ALDH4A1: variants seen among roughly 807,000 people sequenced by gnomAD.
The protein encoded by ALDH4A1 is aldehyde dehydrogenase 4 family member A1, also known as delta-1-pyrroline-5-carboxylate dehydrogenase, mitochondrial.
A neutral mutation model predicts 70.5 loss-of-function variants in ALDH4A1; 46 were observed. That is an observed-to-expected ratio of 0.65 (90% CI 0.51 to 0.83). The LOEUF is 0.83. Among genes scored for constraint, ALDH4A1 ranks in the 40% least tolerant of loss-of-function variants. The pLI is 0.00. For synonymous variants in ALDH4A1, 323 were observed against 324.3 expected (o/e 1.00, Z 0.04); for missense variants, 749 against 766.5 (o/e 0.98, Z 0.27).
intron 14 of ALDH4A1, 73 bp downstream of exon 14, chr1:18,874,390 G>T: frequency 7.3e-7 from 1 of 1,373,894 alleles, no homozygotes; most frequent in Non-Finnish European, 1.0e-6. Context: ...TTACTCTGAA[G>T]CCCCTCGAGA....
chr1:18,900,784 A>G, intron 1 of ALDH4A1: 1 of 896,518 alleles, frequency 1.1e-6, no homozygotes, highest in Non-Finnish European at 1.3e-6. Context: ...TTCAGAGCAT[A>G]AATCTGGATT....
chr1:18,893,705 T>C (rs1044399998), intron 1 of ALDH4A1, among the ~76,000 whole-genome samples: 1 of 152,184 alleles, frequency 6.6e-6, no homozygotes, highest in Non-Finnish European at 1.5e-5. Flanking sequence ...GGTTTCACCA[T>C]GTTGGCCAGG....
At chr1:18,896,083 C>A (rs1489148069) in intron 1 of ALDH4A1, among the ~76,000 whole-genome samples, 1 of 152,138 alleles carries the variant, frequency 6.6e-6, no homozygotes. Flanking sequence ...ACTGGTCCAA[C>A]CTCACATAGC....
intron 3 of ALDH4A1, among the ~76,000 whole-genome samples, chr1:18,887,400 C>T (rs567492240): frequency 3.2e-4 from 48 of 152,364 alleles, no homozygotes; most frequent in African/African-American, 1.1e-3. Flanking sequence ...GAGATCGAGA[C>T]CATCCTGGCT....
chr1:18,892,706 T>G (rs1192488761), intron 1 of ALDH4A1, among the ~76,000 whole-genome samples: 1 of 142,138 alleles, frequency 7.0e-6, no homozygotes, highest in Non-Finnish European at 1.5e-5. Flanking sequence ...AGCCGGTAGC[T>G]CTGCACTCCC....
At chr1:18,893,751 G>A (rs1005786326) in intron 1 of ALDH4A1, among the ~76,000 whole-genome samples, 7 of 152,120 alleles carry the variant, frequency 4.6e-5, no homozygotes, top group South Asian at 2.1e-4. Context: ...TGATCCACCC[G>A]CCTTGGCCTC....
chr1:18,900,947 A>G, intron 1 of ALDH4A1: 1 of 976,998 alleles, frequency 1.0e-6, no homozygotes, highest in Non-Finnish European at 1.2e-6. Flanking sequence ...ATCTTTTAGA[A>G]TATGGATTGC....
intron 3 of ALDH4A1, among the ~76,000 whole-genome samples, chr1:18,887,896 T>C (rs1935279696): frequency 6.6e-6 from 1 of 152,230 alleles, no homozygotes; most frequent in South Asian, 2.1e-4. Context: ...CTTTAACCCC[T>C]GTCTTCCCTT....
rs1178957365 is a variant in ALDH4A1, at chr1:18,880,274, T to C, written c.867-901A>G. ...CCGGGCGTCTGGCTGCCTCCAGGCA[T>C]CTCCACCCAGATAACACCCGAAGTG... is the stretch of plus-strand genomic sequence containing the variant. On this transcript the variant is annotated intron_variant, in intron 8 of 14. Coordinates refer to ENST00000375341, the MANE Select transcript of ALDH4A1 (RefSeq NM_003748.4). This position sits in a 1 kb window ranked among gnomAD's most constrained non-coding sequence, Gnocchi z 5.1. Among the ~76,000 whole-genome samples, 1 of 151,958 alleles carries C rather than the reference T, an allele frequency of 6.6e-6. No individual in the cohort carries two copies. The highest frequency in any genetic ancestry group is 1.5e-5 in the Non-Finnish European group (1 of 67,958).
intron 8 of ALDH4A1, 49 bp downstream of exon 8, chr1:18,881,651 G>GGGTTGCCT (rs112548638): frequency 1 from 1,601,854 of 1,606,730 alleles, 798,597 homozygotes; most frequent in East Asian, 1. Context: ...CAGGTGAGCA[G>GGGTTGCCT]GTGAACGTCC....
Position 18,886,483 on chromosome 1 carries a change from T to G in ALDH4A1, c.278A>C (p.Lys93Thr), listed in dbSNP as rs1403081227. The G allele has an allele frequency of 6.2e-7, 1 of 1,614,184 alleles. No homozygotes were observed. Among genetic ancestry groups the G allele is most frequent in the South Asian group, 1.1e-5 (1 of 91,076 alleles). ...SPFNHGHKVA[K>T]FCYADKSLLN... is the part of the protein sequence containing the mutation. Reference sequence around the variant, plus strand: ...ACTCACCTTGTCTGCATAACAGAACTTGGCCACCTTATGTCCATGGTTAAA... The same window carrying G: ...ACTCACCTTGTCTGCATAACAGAACGTGGCCACCTTATGTCCATGGTTAAA... Residue 93 changes from lysine (K) to threonine (T), a missense_variant, in exon 4 of 15, where the codon AAG becomes ACG. Coordinates refer to ENST00000375341, the MANE Select transcript of ALDH4A1 (RefSeq NM_003748.4).
chr1:18,890,960 G>A, intron 1 of ALDH4A1: 2 of 942,754 alleles, frequency 2.1e-6, no homozygotes, highest in South Asian at 4.9e-5. Context: ...GAGCTGCCCT[G>A]AGCTCAGCTC....
chr1:18,883,527 C>T, intron 5 of ALDH4A1, 99 bp from the exon 6 acceptor site: 1 of 1,527,784 alleles, frequency 6.5e-7, no homozygotes, highest in East Asian at 2.4e-5. Flanking sequence ...CTGAGCCGGG[C>T]CCCAGGAGGG....
At position 18,875,500 on chromosome 1, in the gene ALDH4A1, T is replaced by C; in HGVS notation, c.1342A>G (p.Ile448Val). ...DPQEPIMKEE[I>V]FGPVLSVYVY... ...TACACAGACAGTACAGGCCCGAAGA[T>C]CTCCTAGGAGAGAGGCCCCGGCGTC... Residue 448 changes from isoleucine (I) to valine (V), a missense_variant, in exon 13 of 15, where the codon ATC becomes GTC. By Grantham distance (29) the Ile-to-Val change is conservative (BLOSUM62 3). Coordinates refer to ENST00000375341, the MANE Select transcript of ALDH4A1 (RefSeq NM_003748.4). The C allele has an allele frequency of 1.9e-6, 3 of 1,613,868 alleles. No homozygotes were observed. The highest frequency in any genetic ancestry group is 2.5e-6 in the Non-Finnish European group (3 of 1,179,950).
rs372535998 is a variant in ALDH4A1 at position 18,883,420 on chromosome 1, G to A, written c.462C>T (p.Thr154=). ...LAKTMVGQGK[T]VIQAEIDAAA... ...CAGCGTCAATCTCCGCTTGGATCACGGTCTTACCCTGCAAGGCAGAGGGCC... is the reference window on the plus strand; with the variant it reads ...CAGCGTCAATCTCCGCTTGGATCACAGTCTTACCCTGCAAGGCAGAGGGCC... The change falls in exon 6 of 15, where the codon ACC becomes ACT. Residue 154 remains threonine, a synonymous_variant. Transcript: ENST00000375341. 29 of 1,613,248 alleles carry A rather than the reference G, an allele frequency of 1.8e-5. No individual in the cohort carries two copies. The highest frequency in any genetic ancestry group is 1.2e-4 in the Admixed American group (7 of 60,004).
At chr1:18,887,320 C>T (rs1935241664) in intron 3 of ALDH4A1, among the ~76,000 whole-genome samples, 1 of 152,260 alleles carries the variant, frequency 6.6e-6, no homozygotes, top group Non-Finnish European at 1.5e-5. Context: ...TCCCTGTTGG[C>T]CGGGCGCGGT....
At chr1:18,874,880 T>C (rs1355032599) in intron 13 of ALDH4A1, among the ~76,000 whole-genome samples, 2 of 152,182 alleles carry the variant, frequency 1.3e-5, no homozygotes, top group Non-Finnish European at 2.9e-5. Flanking sequence ...CAGCGGAAAC[T>C]CCAGCTCCCA....
intron 3 of ALDH4A1, 65 bp from the exon 4 acceptor site, chr1:18,886,576 C>A: frequency 6.4e-7 from 1 of 1,569,980 alleles, no homozygotes; most frequent in Non-Finnish European, 8.8e-7. Context: ...ATGAAGAGGA[C>A]TGGACTCAGA....
At chr1:18,892,717 C>T (rs1935485287) in intron 1 of ALDH4A1, among the ~76,000 whole-genome samples, 1 of 152,022 alleles carries the variant, frequency 6.6e-6, no homozygotes, top group African/African-American at 2.4e-5. Context: ...CTGCACTCCC[C>T]ACCCCCACTC....
Sources: allele counts gnomAD v4.1 joint callset (sites outside exome capture counted in the v4.1 genomes callset), GRCh38; gene constraint gnomAD v4.1.1; non-coding constraint Gnocchi (gnomAD v3.1); transcripts MANE v1.5; gene names NCBI Gene and HGNC (gene_info 2026-07-23, HGNC 2026-07-21).